Variants in SNTG1 observed in about 807,000 individuals in gnomAD.
SNTG1 encodes syntrophin gamma 1, also known as gamma-1-syntrophin.
A neutral mutation model predicts 74.7 loss-of-function variants in SNTG1; 39 were observed. That is an observed-to-expected ratio of 0.52 (90% CI 0.40 to 0.68). The LOEUF (loss-of-function observed/expected upper bound fraction) is 0.68, where lower values mean the gene tolerates loss of function less well. Among genes scored for constraint, SNTG1 ranks in the 30% least tolerant of loss-of-function variants. SNTG1 has a pLI of 0.00. For missense variants in SNTG1, 685 were observed against 609.5 expected (o/e 1.12, Z -1.30); for synonymous variants, 254 against 217.1 (o/e 1.17, Z -1.49).
intron 2 of SNTG1, among the ~76,000 whole-genome samples, chr8:50,193,404 ATTTG>A (rs1041558295): frequency 6.6e-6 from 1 of 150,766 alleles, no homozygotes; most frequent in Admixed American, 6.6e-5. Context: ...TTGTTTTCTT[ATTTG>A]TTTGTTTGTT....
chr8:50,035,828 G>T (rs1374225336), intron 1 of SNTG1, among the ~76,000 whole-genome samples: 1 of 152,102 alleles, frequency 6.6e-6, no homozygotes, highest in Non-Finnish European at 1.5e-5. Context: ...AGCATGGAGG[G>T]CCAGATGGTG....
intron 17 of SNTG1, among the ~76,000 whole-genome samples, chr8:50,725,997 C>T (rs559092546): frequency 2.0e-5 from 3 of 152,282 alleles, no homozygotes; most frequent in Non-Finnish European, 4.4e-5. Flanking sequence ...ACTCTGTCTT[C>T]CCTCTCAGGT....
At chr8:50,544,385 T>C (rs2094370949) in intron 11 of SNTG1, among the ~76,000 whole-genome samples, 1 of 152,124 alleles carries the variant, frequency 6.6e-6, no homozygotes, top group Non-Finnish European at 1.5e-5. Context: ...TTCATATAAC[T>C]ATTCAAACAT....
At chr8:50,394,464 T>A (rs569678360) in intron 3 of SNTG1, among the ~76,000 whole-genome samples, 199 bp downstream of exon 3, 4 of 152,330 alleles carry the variant, frequency 2.6e-5, no homozygotes, top group African/African-American at 7.2e-5. Context: ...GGACTTTAAC[T>A]CTTTCTTTAG....
intron 1 of SNTG1, among the ~76,000 whole-genome samples, chr8:49,986,007 TGTTAGA>T (rs1359642404): frequency 3.2e-4 from 48 of 152,264 alleles, no homozygotes; most frequent in African/African-American, 1.1e-3. Context: ...TATAGAAAAG[TGTTAGA>T]GTTCTACAAA....
chr8:50,675,093 T>A (rs1399467067), intron 15 of SNTG1, among the ~76,000 whole-genome samples: 1 of 152,104 alleles, frequency 6.6e-6, no homozygotes, highest in East Asian at 1.9e-4. Context: ...ACTTATGTGG[T>A]TGATTTTATA....
intron 12 of SNTG1, among the ~76,000 whole-genome samples, chr8:50,588,426 C>T (rs1282521794): frequency 6.6e-6 from 1 of 152,154 alleles, no homozygotes; most frequent in Non-Finnish European, 1.5e-5. Context: ...GGACATCCCA[C>T]TCCCCATTTT....
At chr8:50,761,222 C>G (rs748825306) in intron 18 of SNTG1, among the ~76,000 whole-genome samples, 10 of 152,050 alleles carry the variant, frequency 6.6e-5, no homozygotes, top group South Asian at 2.1e-4. Flanking sequence ...TCAACATACA[C>G]AAATCAATAA....
intron 2 of SNTG1, among the ~76,000 whole-genome samples, chr8:50,176,858 G>C (rs546919542): frequency 2.0e-5 from 3 of 152,254 alleles, no homozygotes; most frequent in African/African-American, 7.2e-5. Context: ...TACCCTAGTA[G>C]GTATGAAGGG....
At chr8:50,090,854 A>G (rs1167066049) in intron 1 of SNTG1, among the ~76,000 whole-genome samples, 1 of 152,160 alleles carries the variant, frequency 6.6e-6, no homozygotes, top group Non-Finnish European at 1.5e-5. Flanking sequence ...GAAGGTAGGA[A>G]AAGAAATAGA....
intron 1 of SNTG1, among the ~76,000 whole-genome samples, chr8:50,167,163 C>A (rs1163392927): frequency 2.1e-5 from 3 of 145,722 alleles, no homozygotes; most frequent in Non-Finnish European, 4.5e-5. Flanking sequence ...GGGAGATATA[C>A]CTAATGCTAG....
chr8:50,162,681 A>C (rs893779682), intron 1 of SNTG1, among the ~76,000 whole-genome samples: 2 of 151,976 alleles, frequency 1.3e-5, no homozygotes. Flanking sequence ...TATCTAATCT[A>C]GGACATCAGG....
At chr8:50,024,924 G>A (rs1046507358) in intron 1 of SNTG1, among the ~76,000 whole-genome samples, 4 of 152,000 alleles carry the variant, frequency 2.6e-5, no homozygotes, top group Admixed American at 6.6e-5. Context: ...ATCTCATCAC[G>A]TTACTCAGTA....
chr8:50,222,893 C>T (rs1330962639), intron 2 of SNTG1, among the ~76,000 whole-genome samples: 1 of 152,080 alleles, frequency 6.6e-6, no homozygotes, highest in Non-Finnish European at 1.5e-5. Context: ...TGTAAAAACT[C>T]TTTTCAAATG....
intron 13 of SNTG1, among the ~76,000 whole-genome samples, chr8:50,638,543 G>A (rs972363847): frequency 1.1e-4 from 17 of 152,218 alleles, no homozygotes; most frequent in Admixed American, 3.9e-4. Context: ...AGTGAAGAAG[G>A]CTGAGCAGGA....
chr8:49,959,683 C>T (rs762581311), intron 1 of SNTG1, among the ~76,000 whole-genome samples: 2 of 152,162 alleles, frequency 1.3e-5, no homozygotes, highest in Non-Finnish European at 2.9e-5. Context: ...ACATTTTGTT[C>T]ATCCGTTTAG....
At chr8:50,494,300 A>T (rs887168518) in intron 8 of SNTG1, among the ~76,000 whole-genome samples, 1 of 152,010 alleles carries the variant, frequency 6.6e-6, no homozygotes, top group Non-Finnish European at 1.5e-5. Flanking sequence ...GCTGAATTCC[A>T]TATGCTAATA....
intron 1 of SNTG1, among the ~76,000 whole-genome samples, chr8:50,023,092 T>C (rs1412642198): frequency 6.6e-6 from 1 of 152,042 alleles, no homozygotes; most frequent in African/African-American, 2.4e-5. Flanking sequence ...ATCAACAAGG[T>C]TGGCAGTGGA....
intron 1 of SNTG1, among the ~76,000 whole-genome samples, chr8:50,027,011 C>T (rs1014632654): frequency 2.6e-5 from 4 of 152,022 alleles, no homozygotes; most frequent in East Asian, 1.9e-4. Context: ...TGCAGGATTG[C>T]TATGTCCTTC....
Sources: allele counts gnomAD v4.1 joint callset (sites outside exome capture counted in the v4.1 genomes callset), GRCh38; gene constraint gnomAD v4.1.1; transcripts MANE v1.5; gene names NCBI Gene and HGNC (gene_info 2026-07-23, HGNC 2026-07-21).